Variants in PHF21B observed in about 807,000 individuals in gnomAD.
PHF21B encodes PHD finger protein 21B.
PHF21B carries 22 observed loss-of-function variants against 62.2 expected under a neutral mutation model. The observed-to-expected ratio is 0.35, with a 90% confidence interval of 0.25 to 0.51. PHF21B has a LOEUF of 0.51. PHF21B is among the 20% of genes least tolerant of loss of function. PHF21B has a pLI of 0.97. For synonymous variants in PHF21B, 341 were observed against 314.7 expected (o/e 1.08, Z -0.88); for missense variants, 701 against 707.9 (o/e 0.99, Z 0.11).
intron 5 of PHF21B, among the ~76,000 whole-genome samples, chr22:44,897,117 C>T (rs2071075299): frequency 6.6e-6 from 1 of 152,034 alleles, no homozygotes; most frequent in Admixed American, 6.6e-5. Flanking sequence ...GGGTGCAGGC[C>T]TACCCCAGCC....
At chr22:44,897,883 A>T (rs1247931130) in intron 5 of PHF21B, among the ~76,000 whole-genome samples, 1 of 152,046 alleles carries the variant, frequency 6.6e-6, no homozygotes, top group Non-Finnish European at 1.5e-5. Flanking sequence ...ATCATAGCTC[A>T]CTGCAGCCTC....
intron 2 of PHF21B, among the ~76,000 whole-genome samples, chr22:44,940,802 T>A (rs1299717115): frequency 6.6e-6 from 1 of 151,992 alleles, no homozygotes; most frequent in Non-Finnish European, 1.5e-5. Context: ...AGAGGCAAAC[T>A]CTTGGCCCAT....
In PHF21B at chr22:44,944,891, G is replaced by C. The variant is rs566926388; in HGVS notation, c.121-24401C>G. 8.5e-5 allele frequency among the ~76,000 whole-genome samples: 13 copies of C among 152,368 alleles called. No homozygotes were observed. The East Asian group carries it at 2.3e-3, about 27-fold the overall frequency. ...GGAAAGCATCCGACTGCACAGTCAG[G>C]CAAGAGCTGGGCCTCGACGGTCACT... On this transcript the variant is annotated intron_variant, in intron 2 of 12. Coordinates refer to ENST00000313237, the MANE Select transcript of PHF21B (RefSeq NM_138415.5).
intron 2 of PHF21B, among the ~76,000 whole-genome samples, chr22:44,975,963 T>C (rs139730284): frequency 6.6e-6 from 1 of 152,154 alleles, no homozygotes; most frequent in East Asian, 1.9e-4. Context: ...AGTTCAAGAG[T>C]TCGAGACCAG....
intron 2 of PHF21B, among the ~76,000 whole-genome samples, chr22:44,931,197 G>A (rs1308833232): frequency 6.6e-6 from 1 of 152,230 alleles, no homozygotes; most frequent in Non-Finnish European, 1.5e-5. Flanking sequence ...TAGAATTACA[G>A]GCATGAGCCA....
At chr22:44,989,573 T>C (rs1187794838) in intron 2 of PHF21B, 8 of 145,634 alleles carry the variant, frequency 5.5e-5, no homozygotes, top group Admixed American at 2.8e-4. Context: ...ACTATAATAA[T>C]AGAACGTCTA....
intron 2 of PHF21B, among the ~76,000 whole-genome samples, chr22:44,957,677 C>A (rs2072329069): frequency 6.6e-6 from 1 of 152,204 alleles, no homozygotes; most frequent in Admixed American, 6.5e-5. Flanking sequence ...ACACACCAGG[C>A]ATCAGTTCCC....
chr22:44,964,458 G>A (rs2072485367), intron 2 of PHF21B, among the ~76,000 whole-genome samples: 1 of 151,956 alleles, frequency 6.6e-6, no homozygotes, highest in Admixed American at 6.5e-5. Flanking sequence ...GGGGCGCAGA[G>A]GAGGACCACT....
intron 2 of PHF21B, chr22:44,933,516 G>T (rs1003876671): frequency 2.6e-5 from 26 of 985,438 alleles, no homozygotes; most frequent in Non-Finnish European, 3.1e-5. Context: ...TTCTGCCCGC[G>T]ATCTGGGGAA....
At chr22:44,938,021 C>A (rs2071883556) in intron 2 of PHF21B, among the ~76,000 whole-genome samples, 1 of 152,270 alleles carries the variant, frequency 6.6e-6, no homozygotes, top group Non-Finnish European at 1.5e-5. Flanking sequence ...TCCAGCAGTA[C>A]AATCAAAATC....
intron 2 of PHF21B, among the ~76,000 whole-genome samples, chr22:44,962,092 G>C (rs2072435740): frequency 6.6e-6 from 1 of 151,952 alleles, no homozygotes; most frequent in Non-Finnish European, 1.5e-5. Flanking sequence ...TGTGTCTTTT[G>C]GGTAGAATGA....
chr22:44,961,217 A>C (rs1171929863), intron 2 of PHF21B, among the ~76,000 whole-genome samples: 1 of 152,046 alleles, frequency 6.6e-6, no homozygotes, highest in Non-Finnish European at 1.5e-5. Context: ...AGCCTCCCAA[A>C]GTGCTGGGAT....
intron 5 of PHF21B, among the ~76,000 whole-genome samples, chr22:44,897,046 T>C (rs1183413346): frequency 6.6e-6 from 1 of 151,864 alleles, no homozygotes; most frequent in Non-Finnish European, 1.5e-5. Context: ...GCCCAGCTAA[T>C]TTTCGTATTT....
At chr22:44,989,100 G>A (rs555798910) in intron 2 of PHF21B, 5 of 152,368 alleles carry the variant, frequency 3.3e-5, no homozygotes, top group East Asian at 1.9e-4. Flanking sequence ...AGGGCACAGC[G>A]TTCAGGCCTT....
chr22:44,885,828 C>G (rs565498654), intron 11 of PHF21B, 35 bp downstream of exon 11: 1 of 1,597,984 alleles, frequency 6.3e-7, no homozygotes, highest in Admixed American at 1.7e-5. Context: ...GGAGGGGGAG[C>G]AGGTACCCTT....
chr22:45,007,338 C>G (rs912261861), intron 2 of PHF21B, among the ~76,000 whole-genome samples: 1 of 151,852 alleles, frequency 6.6e-6, no homozygotes, highest in Admixed American at 6.5e-5. Flanking sequence ...CCGGCAGCCG[C>G]CCCAACCTCG....
chr22:44,908,717 T>C (rs890031296), intron 5 of PHF21B, among the ~76,000 whole-genome samples: 5 of 152,246 alleles, frequency 3.3e-5, no homozygotes, highest in Non-Finnish European at 5.9e-5. Context: ...GTCCGGTTTC[T>C]AGGCTCTAAC....
At chr22:44,941,398 G>A (rs1045945166) in intron 2 of PHF21B, among the ~76,000 whole-genome samples, 2 of 152,170 alleles carry the variant, frequency 1.3e-5, no homozygotes, top group African/African-American at 2.4e-5. Context: ...TCTGTGACTC[G>A]GCCTCTCAAT....
At chr22:44,962,555 G>A (rs970806782) in intron 2 of PHF21B, among the ~76,000 whole-genome samples, 1 of 152,204 alleles carries the variant, frequency 6.6e-6, no homozygotes, top group African/African-American at 2.4e-5. Context: ...TCTACTGAAC[G>A]TGTATTGCTT....
Sources: allele counts gnomAD v4.1 joint callset (sites outside exome capture counted in the v4.1 genomes callset), GRCh38; gene constraint gnomAD v4.1.1; transcripts MANE v1.5; gene names NCBI Gene and HGNC (gene_info 2026-07-23, HGNC 2026-07-21).